SGIP1: variants seen among roughly 807,000 people sequenced by gnomAD.
SGIP1 encodes the protein SH3GL interacting endocytic adaptor 1, also known as SH3-containing GRB2-like protein 3-interacting protein 1.
In SGIP1, 38 loss-of-function variants were observed where a neutral mutation model predicts 107.5. The ratio of observed to expected loss-of-function variants is 0.35; its 90% CI spans 0.27 to 0.46. The LOEUF is 0.46. Among genes scored for constraint, SGIP1 ranks in the 20% least tolerant of loss-of-function variants. The pLI is 1.00. For missense variants in SGIP1, 929 were observed against 1,019.5 expected (o/e 0.91, Z 1.21); for synonymous variants, 365 against 366.1 (o/e 1.00, Z 0.03).
intron 1 of SGIP1, among the ~76,000 whole-genome samples, chr1:66,579,327 G>A (rs1473508798): frequency 6.6e-6 from 1 of 152,128 alleles, no homozygotes; most frequent in African/African-American, 2.4e-5. Context: ...CCCCATTAAG[G>A]TTGAGATGAT....
chr1:66,663,766 G>GA (rs1553136248), intron 8 of SGIP1, among the ~76,000 whole-genome samples: 4 of 151,728 alleles, frequency 2.6e-5, no homozygotes, highest in Admixed American at 2.6e-4. Flanking sequence ...TCTTTTACTA[G>GA]AAAAAAAATT....
intron 1 of SGIP1, among the ~76,000 whole-genome samples, chr1:66,605,960 T>C (rs1424140671): frequency 6.6e-6 from 1 of 152,160 alleles, no homozygotes; most frequent in East Asian, 1.9e-4. Flanking sequence ...CACCTGAGTA[T>C]TCTAGAAGGT....
intron 7 of SGIP1, among the ~76,000 whole-genome samples, chr1:66,644,284 A>T (rs1241602033): frequency 1.3e-5 from 2 of 152,150 alleles, no homozygotes; most frequent in African/African-American, 4.8e-5. Context: ...CTCAGATATA[A>T]GTATTGTCCT....
chr1:66,698,776 TA>T (rs1391132097), intron 18 of SGIP1, among the ~76,000 whole-genome samples: 1 of 152,116 alleles, frequency 6.6e-6, no homozygotes, highest in East Asian at 1.9e-4. Context: ...TGACAAATAT[TA>T]AATAGAAGAT....
At position 66,751,060 on chromosome 1, in the gene SGIP1, A is replaced by G. The variant is rs1458988737; in HGVS notation, c.*7965A>G. 6.6e-6 allele frequency among the ~76,000 whole-genome samples: 1 copy of G among 152,244 alleles called. No homozygotes were observed. On this transcript the variant is annotated 3_prime_UTR_variant, in exon 25 of 25. Transcript: ENST00000371037. Reference sequence around the variant, plus strand: ...ATTCCAGAACAAAGTTTAATTCTATATGTAAGTTGTTACTGAAATGTGATT... The same window carrying G: ...ATTCCAGAACAAAGTTTAATTCTATGTGTAAGTTGTTACTGAAATGTGATT...
At chr1:66,537,988 T>A (rs1287201608) in intron 1 of SGIP1, among the ~76,000 whole-genome samples, 1 of 152,162 alleles carries the variant, frequency 6.6e-6, no homozygotes, top group Non-Finnish European at 1.5e-5. Flanking sequence ...GGTTGCATAT[T>A]CTGTGTCTCT....
At chr1:66,678,285 G>T (rs1236257094) in intron 13 of SGIP1, among the ~76,000 whole-genome samples, 1 of 152,176 alleles carries the variant, frequency 6.6e-6, no homozygotes, top group South Asian at 2.1e-4. Flanking sequence ...GAAAGTAAAT[G>T]AATTGTTTAT....
intron 13 of SGIP1, among the ~76,000 whole-genome samples, chr1:66,677,625 T>A (rs946204402): frequency 7.9e-5 from 12 of 152,232 alleles, no homozygotes; most frequent in African/African-American, 2.9e-4. Flanking sequence ...GCCATCAGTC[T>A]GGCTTCTTCC....
At chr1:66,630,845 A>AGAGAGAGAGAG (rs1558133108) in intron 2 of SGIP1, among the ~76,000 whole-genome samples, 1 of 25,202 alleles carries the variant, frequency 4.0e-5, no homozygotes, top group Non-Finnish European at 7.2e-5. Flanking sequence ...GAAAGAAAGA[A>AGAGAGAGAGAG]AGAAAGAAAG....
At chr1:66,540,886 C>A (rs541803006) in intron 1 of SGIP1, among the ~76,000 whole-genome samples, 80 of 152,272 alleles carry the variant, frequency 5.3e-4, no homozygotes, top group Middle Eastern at 3.4e-3. Flanking sequence ...ATGTGCCATA[C>A]CTCTAGAACT....
intron 1 of SGIP1, among the ~76,000 whole-genome samples, chr1:66,549,888 T>C (rs892065193): frequency 1.3e-5 from 2 of 152,168 alleles, no homozygotes; most frequent in African/African-American, 4.8e-5. Flanking sequence ...TCTGATCTTA[T>C]TGCTCCATCT....
intron 20 of SGIP1, among the ~76,000 whole-genome samples, chr1:66,730,793 C>T (rs1000719727): frequency 9.9e-5 from 15 of 152,178 alleles, no homozygotes; most frequent in Non-Finnish European, 1.9e-4. Context: ...CCAGACCTGC[C>T]AATCTCAGAA....
At chr1:66,636,097 C>A (rs1571012555) in intron 4 of SGIP1, 82 bp downstream of exon 4, 1 of 1,153,810 alleles carries the variant, frequency 8.7e-7, no homozygotes, top group Non-Finnish European at 1.2e-6. Flanking sequence ...ATTTGGAAAA[C>A]ACAGTAGTTT....
intron 4 of SGIP1, among the ~76,000 whole-genome samples, chr1:66,636,303 A>G (rs1356717067): frequency 6.6e-6 from 1 of 152,238 alleles, no homozygotes; most frequent in Non-Finnish European, 1.5e-5. Flanking sequence ...AAAAGAATCT[A>G]CTATCTATAA....
chr1:66,706,743 T>C (rs2092547778), intron 18 of SGIP1, among the ~76,000 whole-genome samples: 1 of 152,014 alleles, frequency 6.6e-6, no homozygotes, highest in African/African-American at 2.4e-5. Context: ...TATTATCATT[T>C]TGATGTTTTT....
At chr1:66,603,129 T>A (rs1190726488) in intron 1 of SGIP1, among the ~76,000 whole-genome samples, 1 of 152,200 alleles carries the variant, frequency 6.6e-6, no homozygotes, top group East Asian at 1.9e-4. Flanking sequence ...GTTAAGCTAA[T>A]GCTTTTTGAC....
chr1:66,640,849 A>C (rs1410359346), intron 5 of SGIP1, among the ~76,000 whole-genome samples: 1 of 152,108 alleles, frequency 6.6e-6, no homozygotes, highest in African/African-American at 2.4e-5. Context: ...ATGCTCAAAA[A>C]AATGGTGAGT....
At chr1:66,670,275 C>T (rs1366103011) in intron 9 of SGIP1, among the ~76,000 whole-genome samples, 1 of 152,224 alleles carries the variant, frequency 6.6e-6, no homozygotes, top group African/African-American at 2.4e-5. Flanking sequence ...TAAGTTTATG[C>T]TAAGGCATTA....
chr1:66,682,107 T>G lies in SGIP1; in HGVS notation c.1053T>G (p.Pro351=). The change falls in exon 15 of 25, where the codon CCT becomes CCG. Residue 351 remains proline (P), a synonymous_variant. Coordinates refer to ENST00000371037, the MANE Select transcript of SGIP1 (RefSeq NM_032291.4). ...DNPADSPAPG[P]LGPPGPTGPP... is the part of the protein sequence containing the mutation. ...CAGCTGACTCCCCAGCTCCAGGCCC[T>G]CTCGGCCCCCCAGGTCCCACAGGCC... 1 of 1,614,124 alleles carries G rather than the reference T, an allele frequency of 6.2e-7. No homozygotes were observed. Among genetic ancestry groups the G allele is most frequent in the Admixed American group, 1.7e-5 (1 of 60,016 alleles).
Sources: allele counts gnomAD v4.1 joint callset (sites outside exome capture counted in the v4.1 genomes callset), GRCh38; gene constraint gnomAD v4.1.1; transcripts MANE v1.5; gene names NCBI Gene and HGNC (gene_info 2026-07-23, HGNC 2026-07-21).